Variants in ST3GAL3 observed in about 807,000 individuals in gnomAD.
The protein encoded by ST3GAL3 is ST3 beta-galactoside alpha-2,3-sialyltransferase 3.
A neutral mutation model predicts 50.1 loss-of-function variants in ST3GAL3; 21 were observed. The ratio of observed to expected loss-of-function variants is 0.42; its 90% confidence interval spans 0.30 to 0.60. The LOEUF (loss-of-function observed/expected upper bound fraction) is 0.60. Among genes scored for constraint, ST3GAL3 ranks in the 20% least tolerant of loss-of-function variants. The pLI, the probability that ST3GAL3 is intolerant of heterozygous loss-of-function variation, is 0.19. For missense variants in ST3GAL3, 353 were observed against 489.4 expected, an observed-to-expected ratio of 0.72 and a Z score of 2.63; for synonymous variants, 183 against 190.0, an observed-to-expected ratio of 0.96 and a Z score of 0.30.
intron 1 of ST3GAL3, among the ~76,000 whole-genome samples, chr1:43,715,055 T>G (rs1012074244): frequency 6.6e-6 from 1 of 152,216 alleles, no homozygotes; most frequent in Non-Finnish European, 1.5e-5. Context: ...TTTATGTATT[T>G]TTAACACAGC....
At chr1:43,796,933 C>G (rs1005592084) in intron 3 of ST3GAL3, among the ~76,000 whole-genome samples, 1 of 152,196 alleles carries the variant, frequency 6.6e-6, no homozygotes, top group Non-Finnish European at 1.5e-5. Flanking sequence ...CCTGTAATCC[C>G]AACACTTTGG....
At chr1:43,859,602 A>T (rs548015766) in intron 5 of ST3GAL3, among the ~76,000 whole-genome samples, 2 of 152,132 alleles carry the variant, frequency 1.3e-5, no homozygotes, top group Non-Finnish European at 2.9e-5. Flanking sequence ...AAACAAAATG[A>T]CACCTTTGGC....
intron 2 of ST3GAL3, among the ~76,000 whole-genome samples, chr1:43,749,174 C>G (rs1190909627): frequency 2.6e-5 from 4 of 152,116 alleles, no homozygotes; most frequent in Non-Finnish European, 5.9e-5. Flanking sequence ...AACCACAATT[C>G]CTACCTCACA....
chr1:43,771,772 A>G (rs994397889), intron 2 of ST3GAL3: 16 of 363,764 alleles, frequency 4.4e-5, no homozygotes, highest in South Asian at 3.0e-4. Flanking sequence ...GTGTGTGTGT[A>G]TAGTATCTGC....
intron 2 of ST3GAL3, among the ~76,000 whole-genome samples, chr1:43,746,462 ATT>A (rs35545005): frequency 2.5e-3 from 327 of 133,202 alleles, no homozygotes; most frequent in East Asian, 0.019. Flanking sequence ...TAAAATGGTA[ATT>A]TTTTTTTTTT....
intron 5 of ST3GAL3, among the ~76,000 whole-genome samples, chr1:43,867,405 G>A (rs967886969): frequency 6.6e-6 from 1 of 152,196 alleles, no homozygotes; most frequent in Admixed American, 6.5e-5. Context: ...GGAGGAAAGG[G>A]CAGAGATCAT....
chr1:43,743,558 TA>T, intron 2 of ST3GAL3: 1 of 407,044 alleles, frequency 2.5e-6, no homozygotes. Flanking sequence ...TTTAGTAAAC[TA>T]ATGAAAGCTT....
chr1:43,850,571 A>G (rs1388906894), intron 5 of ST3GAL3: 7 of 729,638 alleles, frequency 9.6e-6, no homozygotes, highest in Admixed American at 3.6e-5. Context: ...GAGTGTTTCT[A>G]TCATCTGGGC....
At chr1:43,841,901 A>G (rs924932961) in intron 5 of ST3GAL3, 11 of 152,160 alleles carry the variant, frequency 7.2e-5, no homozygotes, top group Non-Finnish European at 1.3e-4. Context: ...ATTTACTTGC[A>G]CCTGTATCTG....
In ST3GAL3 at chr1:43,742,944, A is replaced by G. The variant is rs551073804; in HGVS notation, c.118+6564A>G. Among the ~76,000 whole-genome samples, 9 of 152,196 alleles carry G rather than the reference A, an allele frequency of 5.9e-5. No individual in the cohort carries two copies. In the East Asian group the frequency reaches 1.7e-3, roughly 29 times the overall value. On this transcript the variant is annotated intron_variant, in intron 2 of 11. Coordinates refer to ENST00000347631, the MANE Select transcript of ST3GAL3 (RefSeq NM_006279.5). ...GAAACCCTGTCTCTACTAAAAATAC[A>G]AAATTTAGCTGGGCCTGGTGGCACG... is the stretch of plus-strand genomic sequence containing the variant.
chr1:43,748,993 A>G (rs1443177562), intron 2 of ST3GAL3, among the ~76,000 whole-genome samples: 2 of 152,240 alleles, frequency 1.3e-5, no homozygotes, highest in Non-Finnish European at 2.9e-5. Context: ...TGTGGTAATC[A>G]GGACAATACA....
At chr1:43,767,605 T>C (rs886547354) in intron 2 of ST3GAL3, among the ~76,000 whole-genome samples, 2 of 146,564 alleles carry the variant, frequency 1.4e-5, no homozygotes, top group Non-Finnish European at 3.0e-5. Context: ...TAAATAATCA[T>C]TGGGTCAAAG....
intron 5 of ST3GAL3, among the ~76,000 whole-genome samples, chr1:43,865,697 CT>C (rs564063652): frequency 3.6e-4 from 55 of 152,198 alleles, no homozygotes; most frequent in Non-Finnish European, 6.2e-4. Context: ...TCAGGAGGGG[CT>C]TTTTTCCTAA....
chr1:43,820,530 G>C (rs1181456172), intron 4 of ST3GAL3, among the ~76,000 whole-genome samples: 4 of 152,150 alleles, frequency 2.6e-5, no homozygotes, highest in Non-Finnish European at 5.9e-5. Flanking sequence ...TACAGAATGG[G>C]AGAAATACTC....
intron 9 of ST3GAL3, among the ~76,000 whole-genome samples, chr1:43,907,727 G>A (rs1195562690): frequency 6.6e-6 from 1 of 152,020 alleles, no homozygotes; most frequent in Non-Finnish European, 1.5e-5. Context: ...ACCTTCTCAG[G>A]ACTGTCTTCA....
At chr1:43,707,813 C>A (rs1662122797) in intron 1 of ST3GAL3, 120 bp downstream of exon 1, 1 of 152,110 alleles carries the variant, frequency 6.6e-6, no homozygotes, top group African/African-American at 2.4e-5. Flanking sequence ...GCGGAGCCCG[C>A]GCGCTAGTGC....
chr1:43,761,648 C>G (rs1358530351), intron 2 of ST3GAL3, among the ~76,000 whole-genome samples: 1 of 151,858 alleles, frequency 6.6e-6, no homozygotes, highest in Non-Finnish European at 1.5e-5. Flanking sequence ...TAAAAACTTT[C>G]ATTAAAAAAA....
At chr1:43,764,424 G>C (rs2154124753) in intron 2 of ST3GAL3, among the ~76,000 whole-genome samples, 1 of 152,168 alleles carries the variant, frequency 6.6e-6, no homozygotes, top group East Asian at 1.9e-4. Context: ...ACACAATATT[G>C]CATCGGGATA....
At chr1:43,863,308 A>G (rs951844615) in intron 5 of ST3GAL3, among the ~76,000 whole-genome samples, 21 of 152,202 alleles carry the variant, frequency 1.4e-4, no homozygotes, top group Non-Finnish European at 2.6e-4. Context: ...GGGAGGCTGA[A>G]GCCCTGCACC....
Sources: gnomAD v4.1 joint callset for allele counts (sites outside exome capture counted in the v4.1 genomes callset) on GRCh38, gnomAD v4.1.1 for gene constraint, MANE v1.5 for transcripts, NCBI Gene and HGNC (gene_info 2026-07-23, HGNC 2026-07-21) for gene names.